ZNF69: variants seen among roughly 807,000 people sequenced by gnomAD.
ZNF69 encodes zinc finger protein 69.
A neutral mutation model predicts 50.9 loss-of-function variants in ZNF69; 47 were observed. The observed-to-expected ratio is 0.92, with a 90% CI of 0.73 to 1.18. ZNF69 has a LOEUF of 1.18. Ranked by LOEUF, ZNF69 falls within the 50% of genes most tolerant of loss-of-function variation. The pLI is 0.00. For synonymous variants in ZNF69, 216 were observed against 223.1 expected, an observed-to-expected ratio of 0.97 and a Z score of 0.29; for missense variants, 717 against 675.1, an observed-to-expected ratio of 1.06 and a Z score of -0.69.
intron 1 of ZNF69, among the ~76,000 whole-genome samples, chr19:11,896,080 G>A (rs900832400): frequency 1.3e-5 from 2 of 151,802 alleles, no homozygotes; most frequent in African/African-American, 4.8e-5. Flanking sequence ...TTAGTCAAGC[G>A]TGATGGTGCA....
intron 1 of ZNF69, among the ~76,000 whole-genome samples, chr19:11,895,129 A>T (rs279197): frequency 0.37 from 56,156 of 152,140 alleles, 12,295 homozygotes; most frequent in African/African-American, 0.6. Context: ...TGTAAAGAAT[A>T]GTTCATAGAT....
the ZNF69 span, chr19:11,978,033 C>G: frequency 6.6e-7 from 1 of 1,518,008 alleles, no homozygotes; most frequent in Non-Finnish European, 8.9e-7. Context: ...CCTTGATGGA[C>G]CATGTTAAAA....
At chr19:11,971,258 T>C in the ZNF69 span, among the ~76,000 whole-genome samples, 1 of 152,178 alleles carries the variant, frequency 6.6e-6, no homozygotes, top group Admixed American at 6.5e-5. Flanking sequence ...TTGTGGTTTC[T>C]TCACATGACA....
At chr19:11,944,118 G>C in the ZNF69 span, among the ~76,000 whole-genome samples, 1 of 152,188 alleles carries the variant, frequency 6.6e-6, no homozygotes, top group African/African-American at 2.4e-5. Flanking sequence ...GTGAACTGGG[G>C]AGAATAAGCT....
the ZNF69 span, chr19:11,947,487 G>T: frequency 6.2e-7 from 1 of 1,610,284 alleles, no homozygotes; most frequent in Admixed American, 1.7e-5. Flanking sequence ...ACTGCTTCAG[G>T]ACTATTTTTC....
At chr19:11,915,694 G>T (rs1210918967), downstream of ZNF69, among the ~76,000 whole-genome samples, 1 of 151,700 alleles carries the variant, frequency 6.6e-6, no homozygotes, top group Non-Finnish European at 1.5e-5. Flanking sequence ...ATCTGAGGTT[G>T]GGAGTTTGAG....
Position 11,898,457 on chromosome 19 carries a change from C to A in ZNF69, c.64-5116C>A, listed in dbSNP as rs923749251. Among the ~76,000 whole-genome samples the A allele has an allele frequency of 2.2e-5, 3 of 136,542 alleles. No homozygotes were observed. In the Admixed American group the frequency reaches 2.5e-4, roughly 11 times the overall value. The allele number at this position is 136,542 out of a possible 152,430, so 89.6% of individuals were successfully genotyped here. A position where few individuals can be genotyped will look rare whatever the true frequency, so the allele number is the denominator to read the frequency against. ...CCAGGCTGGAGGGCAGTGGCATGAT[C>A]TCGGCTCACAGCAACCTCCGTCTCC... On this transcript the variant is annotated intron_variant, in intron 1 of 3. Coordinates refer to ENST00000429654, the MANE Select transcript of ZNF69 (RefSeq NM_001364730.1).
the ZNF69 span, among the ~76,000 whole-genome samples, chr19:11,941,643 CCG>C: frequency 6.6e-6 from 1 of 152,180 alleles, no homozygotes; most frequent in Non-Finnish European, 1.5e-5. Flanking sequence ...CCCGCAAGCG[CCG>C]CGCGCAGCCC....
chr19:11,929,152 T>C, the ZNF69 span, among the ~76,000 whole-genome samples: 1 of 148,268 alleles, frequency 6.7e-6, no homozygotes, highest in African/African-American at 2.6e-5. Context: ...CTTAAATTTT[T>C]GAATTACTTT....
At chr19:11,978,503 G>A in the ZNF69 span, 1 of 1,614,226 alleles carries the variant, frequency 6.2e-7, no homozygotes, top group Non-Finnish European at 8.5e-7. Context: ...GCATGGTAAT[G>A]CACAGTGGGG....
At chr19:11,967,530 G>A in the ZNF69 span, among the ~76,000 whole-genome samples, 3 of 151,728 alleles carry the variant, frequency 2.0e-5, no homozygotes, top group Non-Finnish European at 2.9e-5. Context: ...TCAGCCTCCC[G>A]AGTAGCTGGA....
the ZNF69 span, chr19:11,947,497 CT>C: frequency 6.2e-7 from 1 of 1,610,962 alleles, no homozygotes; most frequent in Admixed American, 1.7e-5. Context: ...GACTATTTTT[CT>C]GTGTCTGTAT....
chr19:11,900,601 C>T (rs541803495), intron 1 of ZNF69, among the ~76,000 whole-genome samples: 1 of 152,318 alleles, frequency 6.6e-6, no homozygotes, highest in South Asian at 2.1e-4. Context: ...ATCCACCCGT[C>T]TCTGCCTCCC....
At chr19:11,969,532 T>C in the ZNF69 span, among the ~76,000 whole-genome samples, 1 of 152,340 alleles carries the variant, frequency 6.6e-6, no homozygotes, top group South Asian at 2.1e-4. Context: ...TTTCACGAGT[T>C]GTATTTAAAT....
At chr19:11,894,334 A>T (rs556880937) in intron 1 of ZNF69, among the ~76,000 whole-genome samples, 125 of 152,088 alleles carry the variant, frequency 8.2e-4, no homozygotes, top group Non-Finnish European at 1.5e-3. Flanking sequence ...TAGAGACAGG[A>T]TTTCACCATG....
the ZNF69 span, among the ~76,000 whole-genome samples, chr19:11,937,416 G>A: frequency 6.6e-6 from 1 of 151,846 alleles, no homozygotes; most frequent in Non-Finnish European, 1.5e-5. Context: ...GGGCTCAAAT[G>A]ACCTGTCTGC....
chr19:11,904,522 C>G (rs1972319032), intron 3 of ZNF69, 127 bp from the exon 4 acceptor site: 1 of 1,349,922 alleles, frequency 7.4e-7, no homozygotes, highest in Non-Finnish European at 9.9e-7. Context: ...CACCTTCAAA[C>G]AATTCAGACA....
At chr19:11,932,123 C>CAA in the ZNF69 span, among the ~76,000 whole-genome samples, 8 of 126,364 alleles carry the variant, frequency 6.3e-5, no homozygotes, top group African/African-American at 2.3e-4. Context: ...AACTTTGTCT[C>CAA]AAAAAAAAAA....
At chr19:11,939,836 C>T in the ZNF69 span, 1 of 152,228 alleles carries the variant, frequency 6.6e-6, no homozygotes, top group East Asian at 1.9e-4. Flanking sequence ...TTTACACGTA[C>T]ACTTGAGATA....
Sources: gnomAD v4.1 joint callset for allele counts (sites outside exome capture counted in the v4.1 genomes callset) on GRCh38, gnomAD v4.1.1 for gene constraint, MANE v1.5 for transcripts, NCBI Gene and HGNC (gene_info 2026-07-23, HGNC 2026-07-21) for gene names.